Variants in GATA4 observed in about 807,000 individuals in gnomAD.
The protein encoded by GATA4 is GATA binding protein 4, also known as transcription factor GATA-4.
GATA4 carries 7 observed loss-of-function variants against 37.9 expected under a neutral mutation model. The ratio of observed to expected loss-of-function variants is 0.18; its 90% CI spans 0.11 to 0.35. The LOEUF is 0.35. Among genes scored for constraint, GATA4 ranks in the 10% least tolerant of loss-of-function variants. The probability of loss-of-function intolerance (pLI) is 1.00; values close to 1 mark genes in which losing one functional copy is unlikely to be tolerated. For missense variants in GATA4, 647 were observed against 653.0 expected (o/e 0.99, Z 0.10); for synonymous variants, 372 against 292.6 (o/e 1.27, Z -2.77).
At chr8:11,700,015 G>A (rs182052835), upstream of GATA4, among the ~76,000 whole-genome samples, 1 of 152,252 alleles carries the variant, frequency 6.6e-6, no homozygotes, top group Admixed American at 6.5e-5. Flanking sequence ...CTGCAGTTTC[G>A]CCCTTGCTTT....
chr8:11,693,812 G>A (rs1319229414), intron 1 of GATA4, among the ~76,000 whole-genome samples: 1 of 152,170 alleles, frequency 6.6e-6, no homozygotes, highest in Non-Finnish European at 1.5e-5. Context: ...TCGAATGTGT[G>A]AAAAGGGCCA....
chr8:11,731,703 A>G (rs1185584996), intron 2 of GATA4, among the ~76,000 whole-genome samples: 1 of 152,270 alleles, frequency 6.6e-6, no homozygotes, highest in Middle Eastern at 3.2e-3. Context: ...ACTGAACTGT[A>G]CACTTAAAAA....
intron 2 of GATA4, among the ~76,000 whole-genome samples, chr8:11,740,534 C>G (rs1275321984): frequency 6.6e-6 from 1 of 152,222 alleles, no homozygotes; most frequent in Non-Finnish European, 1.5e-5. Context: ...CCCCTCCACT[C>G]TGGGACTGAT....
intron 5 of GATA4, 115 bp from the exon 6 acceptor site, chr8:11,756,820 C>A: frequency 7.1e-7 from 1 of 1,402,780 alleles, no homozygotes; most frequent in Non-Finnish European, 1.0e-6. Flanking sequence ...GCTGCTGTCC[C>A]CGGCAAATGT....
Position 11,759,167 on chromosome 8 carries a change from T to C in GATA4, c.*692T>C, listed in dbSNP as rs1341214052. 1.3e-5 allele frequency: 2 copies of C among 159,904 alleles called. No individual in the cohort carries two copies. Among genetic ancestry groups the C allele is most frequent in the Non-Finnish European group, 2.8e-5 (2 of 72,548 alleles). 9.9% of individuals were successfully genotyped at this position (159,904 alleles called of 1,614,324 possible). A position where few individuals can be genotyped will look rare whatever the true frequency, so the allele number is the denominator to read the frequency against. ...ACATCTCTCAAAATAAAAATCCCTC[T>C]TCCCGCTCTGAGCGATTCAGCTCTG... On this transcript the variant is annotated 3_prime_UTR_variant, in exon 7 of 7. Coordinates refer to ENST00000532059, the MANE Select transcript of GATA4 (RefSeq NM_001308093.3).
intron 2 of GATA4, among the ~76,000 whole-genome samples, chr8:11,728,775 G>T (rs955999360): frequency 1.3e-5 from 2 of 152,116 alleles, no homozygotes; most frequent in East Asian, 3.8e-4. Flanking sequence ...ATTAAGTGGG[G>T]TTTTATATTA....
chr8:11,697,705 T>C, intron 1 of GATA4: 1 of 985,418 alleles, frequency 1.0e-6, no homozygotes, highest in Non-Finnish European at 1.2e-6. Flanking sequence ...CACTTGGGCT[T>C]CGCGCTTCCT....
At position 11,750,176 on chromosome 8, in the gene GATA4, C is replaced by G. The variant is rs752769340; in HGVS notation, c.852C>G (p.Arg284=). 4.3e-6 allele frequency: 7 copies of G among 1,613,846 alleles called. No homozygotes were observed. In the South Asian group the frequency reaches 5.5e-5, roughly 13 times the overall value. The change falls in exon 4 of 7, where the codon CGC becomes CGG. Residue 284 remains arginine, a synonymous_variant. Transcript: ENST00000532059. ...AGACCACCACCACCACGCTGTGGCG[C>G]CGCAATGCGGAGGGCGAGCCTGTGT... ...NCQTTTTTLW[R]RNAEGEPVCN... is the part of the protein sequence containing the mutation.
chr8:11,696,565 G>A (rs1018400949), intron 1 of GATA4, among the ~76,000 whole-genome samples: 2 of 152,152 alleles, frequency 1.3e-5, no homozygotes, highest in African/African-American at 2.4e-5. Flanking sequence ...TAAAGCTGTA[G>A]GTTTTGAAAA....
At chr8:11,757,667 C>T (rs943019647) in intron 6 of GATA4, among the ~76,000 whole-genome samples, 1 of 152,342 alleles carries the variant, frequency 6.6e-6, no homozygotes, top group East Asian at 1.9e-4. Flanking sequence ...ATGCCACTTT[C>T]ATGAGACCCA....
chr8:11,748,199 C>T (rs1219411267), intron 2 of GATA4, among the ~76,000 whole-genome samples: 1 of 152,082 alleles, frequency 6.6e-6, no homozygotes, highest in African/African-American at 2.4e-5. Context: ...GCCTGGGCAA[C>T]AAGAGTGAAA....
intron 2 of GATA4, among the ~76,000 whole-genome samples, chr8:11,727,962 T>C (rs1360168313): frequency 6.6e-6 from 1 of 152,232 alleles, no homozygotes; most frequent in Admixed American, 6.5e-5. Context: ...CGGCATGTAG[T>C]AAGTGTCTAT....
intron 1 of GATA4, among the ~76,000 whole-genome samples, chr8:11,695,663 A>G (rs1799488045): frequency 1.3e-5 from 2 of 152,182 alleles, no homozygotes; most frequent in Admixed American, 1.3e-4. Context: ...ACCCTCTCCC[A>G]GGCAGCCATC....
intron 5 of GATA4, 122 bp from the exon 6 acceptor site, chr8:11,756,813 G>T (rs1225978266): frequency 1.5e-6 from 2 of 1,332,696 alleles, no homozygotes; most frequent in Admixed American, 3.4e-5. Flanking sequence ...GACCTCTGCT[G>T]CTGTCCCCGG....
In GATA4 at chr8:11,758,466, C is replaced by A; in HGVS notation, c.1323C>A (p.Ile441=). Residue 441 remains isoleucine, a synonymous_variant, in exon 7 of 7, where the codon ATC becomes ATA. Transcript: ENST00000532059. ...TGGCCGACAGTCACGGGGACATAAT[C>A]ACTGCGTAATCTTCCCTCTTCCCTC... is the stretch of plus-strand genomic sequence containing the variant. ...LVLADSHGDI[I]TA The A allele has an allele frequency of 6.2e-7, 1 of 1,614,196 alleles. No individual in the cohort carries two copies. The highest frequency in any genetic ancestry group is 1.3e-5 in the African/African-American group (1 of 75,046).
intron 5 of GATA4, chr8:11,756,516 C>T (rs1802576963): frequency 3.7e-6 from 1 of 271,600 alleles, no homozygotes; most frequent in Non-Finnish European, 7.2e-6. Context: ...TGAACAGACA[C>T]TAGGCTGTTG....
intron 2 of GATA4, among the ~76,000 whole-genome samples, chr8:11,727,155 C>T (rs1426972540): frequency 6.6e-6 from 1 of 152,178 alleles, no homozygotes; most frequent in Non-Finnish European, 1.5e-5. Flanking sequence ...GCCTGTCAGT[C>T]TTGGAGGATA....
At chr8:11,677,454 A>T in intron 1 of GATA4, among the ~76,000 whole-genome samples, 1 of 152,212 alleles carries the variant, frequency 6.6e-6, no homozygotes, top group East Asian at 1.9e-4. Flanking sequence ...AAATAAATAC[A>T]TACACACCAG....
At chr8:11,736,728 C>G (rs1263180861) in intron 2 of GATA4, among the ~76,000 whole-genome samples, 1 of 152,066 alleles carries the variant, frequency 6.6e-6, no homozygotes, top group Non-Finnish European at 1.5e-5. Context: ...AAGAGTTCTG[C>G]AGCTTAAAAA....
Sources: gnomAD v4.1 joint callset for allele counts (sites outside exome capture counted in the v4.1 genomes callset) on GRCh38, gnomAD v4.1.1 for gene constraint, MANE v1.5 for transcripts, NCBI Gene and HGNC (gene_info 2026-07-23, HGNC 2026-07-21) for gene names.